ECM2: variants seen among roughly 807,000 people sequenced by gnomAD.
ECM2 encodes extracellular matrix protein 2, female organ and adipocyte specific.
A neutral mutation model predicts 67.5 loss-of-function variants in ECM2; 57 were observed. That is an observed-to-expected ratio of 0.84 (90% confidence interval 0.68 to 1.05). The LOEUF (loss-of-function observed/expected upper bound fraction) is 1.05, where lower values mean the gene tolerates loss of function less well. ECM2 is among the 50% of genes least tolerant of loss of function. ECM2 has a pLI of 0.00. For missense variants in ECM2, 741 were observed against 822.8 expected (o/e 0.90, Z 1.22); for synonymous variants, 258 against 294.5 (o/e 0.88, Z 1.27).
chr9:92,514,858 T>C lies in ECM2; in HGVS notation c.827A>G (p.Glu276Gly). Residue 276 changes from glutamate to glycine, a missense_variant, in exon 4 of 10, where the codon GAG becomes GGG. By Grantham distance (98) the Glu-to-Gly change is moderately conservative (BLOSUM62 -2). Coordinates refer to ENST00000344604, the MANE Select transcript of ECM2 (RefSeq NM_001393.4). ...CTCCTCACCCTCCTCACCCTCCTCC[T>C]CCTCATCCTCCTCCTCCTCCCTTCC... Reference protein sequence around the residue: ...RQGREEEEDEEEEGEEGEEDE... With the variant: ...RQGREEEEDEGEEGEEGEEDE... The C allele has an allele frequency of 6.2e-7, 1 of 1,612,424 alleles. No homozygotes were observed. Among genetic ancestry groups the C allele is most frequent in the South Asian group, 1.1e-5 (1 of 90,706 alleles).
In ECM2 at chr9:92,502,594, G is replaced by C. The variant is rs749051821; in HGVS notation, c.1523C>G (p.Thr508Ser). Residue 508 changes from threonine to serine, a missense_variant, in exon 8 of 10, where the codon ACC becomes AGC. Thr to Ser is a moderately conservative substitution (Grantham distance 58, BLOSUM62 1). Coordinates refer to ENST00000344604, the MANE Select transcript of ECM2 (RefSeq NM_001393.4). ...EEITEICFNH[T>S]RKINVIVLRY... is the part of the protein sequence containing the mutation. ...TAGTACAATGACATTGATCTTTCTGGTATGATTGAAACAAATTTCAGTTAT... is the reference window on the plus strand; with the variant it reads ...TAGTACAATGACATTGATCTTTCTGCTATGATTGAAACAAATTTCAGTTAT... 6.2e-7 allele frequency: 1 copy of C among 1,608,970 alleles called. No individual in the cohort carries two copies. The highest frequency in any genetic ancestry group is 1.1e-5 in the South Asian group (1 of 90,526).
chr9:92,533,010 T>C (rs1359543924), intron 1 of ECM2, among the ~76,000 whole-genome samples: 2 of 151,966 alleles, frequency 1.3e-5, no homozygotes, highest in African/African-American at 2.4e-5. Context: ...TTAATAATTA[T>C]GCTTTGGGCT....
intron 7 of ECM2, among the ~76,000 whole-genome samples, chr9:92,505,086 T>C (rs1220630268): frequency 6.6e-6 from 1 of 152,236 alleles, no homozygotes; most frequent in African/African-American, 2.4e-5. Context: ...ACAACACTTG[T>C]ATCCATGCAA....
intron 7 of ECM2, 73 bp downstream of exon 7, chr9:92,505,459 TA>T: frequency 2.3e-6 from 3 of 1,292,712 alleles, no homozygotes; most frequent in Admixed American, 4.9e-5. Context: ...ACAATAGTCT[TA>T]AAATATATTT....
At chr9:92,540,689 T>C (rs1049767235), upstream of ECM2, among the ~76,000 whole-genome samples, 3 of 151,614 alleles carry the variant, frequency 2.0e-5, no homozygotes, top group African/African-American at 7.3e-5. Context: ...GAGAATCACT[T>C]GAACCTGGGA....
upstream of ECM2, among the ~76,000 whole-genome samples, chr9:92,538,639 G>A (rs1849245208): frequency 6.6e-6 from 1 of 152,180 alleles, no homozygotes; most frequent in South Asian, 2.1e-4. Context: ...TTAATGGACT[G>A]TTACATGAGT....
the ECM2 span, among the ~76,000 whole-genome samples, chr9:92,546,623 A>G: frequency 6.6e-6 from 1 of 152,220 alleles, no homozygotes; most frequent in Non-Finnish European, 1.5e-5. Context: ...CTGGAACACC[A>G]GAAGGAACAA....
At chr9:92,524,544 C>G (rs1295244257) in intron 1 of ECM2, among the ~76,000 whole-genome samples, 3 of 152,162 alleles carry the variant, frequency 2.0e-5, no homozygotes, top group Non-Finnish European at 4.4e-5. Context: ...TTGACTGCCT[C>G]TCAGAATTCT....
At chr9:92,547,064 T>C in the ECM2 span, among the ~76,000 whole-genome samples, 2 of 152,166 alleles carry the variant, frequency 1.3e-5, no homozygotes, top group Admixed American at 6.5e-5. Context: ...CAACAATATA[T>C]AAATAATATA....
At chr9:92,527,228 C>T (rs1848469156) in intron 1 of ECM2, among the ~76,000 whole-genome samples, 1 of 152,148 alleles carries the variant, frequency 6.6e-6, no homozygotes, top group Non-Finnish European at 1.5e-5. Flanking sequence ...CCAGGCAGGT[C>T]TCAAACTCCT....
Position 92,505,581 on chromosome 9 carries a change from T to TC in ECM2, c.1415dup (p.Asn474LysfsTer2). On this transcript the variant is annotated frameshift_variant, in exon 7 of 10. Coordinates refer to ENST00000344604, the MANE Select transcript of ECM2 (RefSeq NM_001393.4). LOFTEE classifies it high-confidence loss of function. ...GCGGTATAATTCTAAATTTATTTTT[T>TC]CCCAGACGCAAGTAGGCTAGGCTCT... 5 of 1,608,202 alleles carry TC rather than the reference T, an allele frequency of 3.1e-6. No homozygotes were observed. Among genetic ancestry groups the TC allele is most frequent in the Non-Finnish European group, 4.2e-6 (5 of 1,178,606 alleles).
Position 92,522,720 on chromosome 9 carries a change from T to C in ECM2, c.147A>G (p.Ser49=). 1.2e-6 allele frequency: 2 copies of C among 1,614,154 alleles called. No homozygotes were observed. Among genetic ancestry groups the C allele is most frequent in the Non-Finnish European group, 1.7e-6 (2 of 1,180,008 alleles). Residue 49 remains serine, a synonymous_variant, in exon 2 of 10, where the codon TCA becomes TCG. Coordinates refer to ENST00000344604, the MANE Select transcript of ECM2 (RefSeq NM_001393.4). ...TTTGCTGAATTCCAAGCTGTCTGTT[T>C]GATCTGTGCTTGTGTGAGGTTGAAC... ...RKSSTSHKHR[S]NRQLGIQQTT... is the part of the protein sequence containing the mutation.
chr9:92,545,193 T>C, the ECM2 span, among the ~76,000 whole-genome samples: 1 of 151,908 alleles, frequency 6.6e-6, no homozygotes, highest in Non-Finnish European at 1.5e-5. Context: ...AGCTCCTTCC[T>C]GGGATGGCCG....
chr9:92,501,161 C>A, intron 8 of ECM2, 108 bp from the exon 9 acceptor site: 1 of 1,141,186 alleles, frequency 8.8e-7, no homozygotes, highest in Non-Finnish European at 1.2e-6. Context: ...CTATAAGCAC[C>A]CAGTTTGTAG....
chr9:92,517,086 A>C (rs1174144592), intron 3 of ECM2: 1 of 125,176 alleles, frequency 8.0e-6, no homozygotes, highest in Non-Finnish European at 1.6e-5. Flanking sequence ...GAAGGGGTCC[A>C]TGAGCAGCCA....
chr9:92,528,392 T>C (rs1272610771), intron 1 of ECM2, among the ~76,000 whole-genome samples: 2 of 152,144 alleles, frequency 1.3e-5, no homozygotes, highest in Non-Finnish European at 2.9e-5. Flanking sequence ...GAGACTAGTG[T>C]TCCTAGGGCA....
Position 92,520,102 on chromosome 9 carries a change from T to C in ECM2, c.293-2227A>G, listed in dbSNP as rs1294332078. ...TTTGAGAACGGCTTGGACAACATAATGGGATGCTGTCTCTACAGAAAAAGT... is the reference window on the plus strand; with the variant it reads ...TTTGAGAACGGCTTGGACAACATAACGGGATGCTGTCTCTACAGAAAAAGT... On this transcript the variant is annotated intron_variant, in intron 2 of 9. Transcript: ENST00000344604. 2.0e-4 allele frequency among the ~76,000 whole-genome samples: 26 copies of C among 132,342 alleles called. 1 individual carries two copies. Among genetic ancestry groups the C allele is most frequent in the Admixed American group, 1.8e-3 (25 of 13,690 alleles). 86.8% of individuals were successfully genotyped at this position (132,342 alleles called of 152,430 possible).
At chr9:92,512,162 G>T (rs1177856430) in intron 4 of ECM2, 36 bp from the exon 5 acceptor site, 2 of 1,438,488 alleles carry the variant, frequency 1.4e-6, no homozygotes, top group African/African-American at 1.4e-5. Flanking sequence ...AGGCATGTGT[G>T]CATATACATA....
At chr9:92,538,627 G>C (rs1002177102), upstream of ECM2, among the ~76,000 whole-genome samples, 1 of 152,182 alleles carries the variant, frequency 6.6e-6, no homozygotes, top group Non-Finnish European at 1.5e-5. Flanking sequence ...AAATTTTGTG[G>C]TTTAATGGAC....
Sources: gnomAD v4.1 joint callset for allele counts (sites outside exome capture counted in the v4.1 genomes callset) on GRCh38, gnomAD v4.1.1 for gene constraint, MANE v1.5 for transcripts, NCBI Gene and HGNC (gene_info 2026-07-23, HGNC 2026-07-21) for gene names.